The following ZNF254 variants were observed in gnomAD, a reference collection of about 807,000 sequenced individuals.
ZNF254 encodes the protein CTD-2017D11.1.
Under a neutral mutation model 12.4 loss-of-function variants are expected in ZNF254, and 10 were observed. The observed-to-expected ratio is 0.80, with a 90% CI of 0.50 to 1.36. The LOEUF (loss-of-function observed/expected upper bound fraction) is 1.36. ZNF254 is among the 40% of genes most tolerant of loss of function. The pLI, the probability that ZNF254 is intolerant of heterozygous loss-of-function variation, is 0.00. For synonymous variants in ZNF254, 305 were observed against 253.4 expected (o/e 1.20, Z -1.93); for missense variants, 996 against 763.9 (o/e 1.30, Z -3.58).
At chr19:24,062,787 A>C (rs1457846500) in intron 2 of ZNF254, among the ~76,000 whole-genome samples, 1 of 152,062 alleles carries the variant, frequency 6.6e-6, no homozygotes. Context: ...TGTGACTGCA[A>C]CTTCACTAAG....
chr19:24,052,660 G>A (rs1489857056), intron 2 of ZNF254, among the ~76,000 whole-genome samples: 4 of 152,114 alleles, frequency 2.6e-5, no homozygotes, highest in Admixed American at 6.6e-5. Flanking sequence ...AGATTGTAAC[G>A]TATCCCTAAT....
At chr19:24,049,164 A>G (rs1395526436) in intron 2 of ZNF254, 1 of 96,540 alleles carries the variant, frequency 1.0e-5, no homozygotes, top group East Asian at 3.3e-4. Flanking sequence ...TGGTCTTGCT[A>G]TGTTTTTCAG....
Position 24,128,644 on chromosome 19 carries a change from G to C in ZNF254, c.*664G>C, listed in dbSNP as rs1384315323. On this transcript the variant is annotated 3_prime_UTR_variant, in exon 4 of 4. Transcript: ENST00000357002. ...AAACTACAAATTATAAAACACCAAA[G>C]TGTTCATACTAAAATATATTTTTGC... The C allele has an allele frequency of 1.3e-5, 2 of 152,036 alleles. No individual in the cohort carries two copies. The highest frequency in any genetic ancestry group is 2.9e-5 in the Non-Finnish European group (2 of 67,936). The allele number at this position is 152,036 out of a possible 1,614,324, so 9.4% of individuals were successfully genotyped here.
At chr19:24,034,154 G>T (rs1969869371) in intron 1 of ZNF254, among the ~76,000 whole-genome samples, 1 of 152,112 alleles carries the variant, frequency 6.6e-6, no homozygotes, top group Non-Finnish European at 1.5e-5. Context: ...AAGTGGTTTT[G>T]CCATGGTGGA....
rs765070017 is a variant in ZNF254 at position 24,049,230 on chromosome 19, T to TA, written c.-94+2953dup. ...TATATATATATTTTTTTTTTTTTTT[T>TA]AATTTATTTATTATTTTTTAATATA... On this transcript the variant is annotated intron_variant, in intron 2 of 4. Coordinates refer to the ZNF254 transcript ENST00000613065. Among the ~76,000 whole-genome samples the TA allele has an allele frequency of 8.8e-4, 106 of 121,076 alleles. 1 individual carries two copies. In the East Asian group the frequency reaches 0.02, roughly 23 times the overall value. 79.4% of individuals were successfully genotyped at this position (121,076 alleles called of 152,430 possible).
At chr19:24,087,634 G>A (rs1972109307) in intron 1 of ZNF254, among the ~76,000 whole-genome samples, 3 of 152,328 alleles carry the variant, frequency 2.0e-5, no homozygotes, top group African/African-American at 7.2e-5. Flanking sequence ...GTCGTCAGGG[G>A]AGAATCCTGA....
At chr19:24,044,114 C>T (rs1370433352) in intron 1 of ZNF254, among the ~76,000 whole-genome samples, 2 of 151,890 alleles carry the variant, frequency 1.3e-5, no homozygotes, top group Admixed American at 6.6e-5. Context: ...CTGGCAGGCG[C>T]CTGTAATCCT....
intron 2 of ZNF254, among the ~76,000 whole-genome samples, chr19:24,070,297 C>A (rs1416739842): frequency 6.6e-6 from 1 of 152,230 alleles, no homozygotes; most frequent in Non-Finnish European, 1.5e-5. Context: ...AATGCCCTTA[C>A]ATGGCCCAGC....
rs559921158 is a variant in ZNF254, at chr19:24,068,614, C to A, written c.-94+22335C>A. Among the ~76,000 whole-genome samples, 71 of 152,238 alleles carry A rather than the reference C, an allele frequency of 4.7e-4. 1 individual carries two copies. Among genetic ancestry groups the A allele is most frequent in the African/African-American group, 1.6e-3 (66 of 41,554 alleles). On this transcript the variant is annotated intron_variant, in intron 2 of 4. Coordinates refer to the ZNF254 transcript ENST00000613065. ...CTGCACCCAGTCTACCTGCAGCCAT[C>A]TTATAGGATTAGATTTTAATCCATC...
chr19:24,043,064 T>C (rs984413864), intron 1 of ZNF254, among the ~76,000 whole-genome samples: 7 of 152,314 alleles, frequency 4.6e-5, no homozygotes, highest in South Asian at 2.1e-4. Flanking sequence ...ATCTCATTTT[T>C]GTTGACTGTA....
Position 24,127,199 on chromosome 19 carries a change from A to T in ZNF254, c.1199A>T (p.His400Leu), listed in dbSNP as rs755925267. Reference sequence around the variant, plus strand: ...ACTCTTACTACACATAAAATAATTCATGTTGGAGAGAAACTCTACAAATGT... The same window carrying T: ...ACTCTTACTACACATAAAATAATTCTTGTTGGAGAGAAACTCTACAAATGT... Reference protein sequence around the residue: ...LSTLTTHKIIHVGEKLYKCEE... With the variant: ...LSTLTTHKIILVGEKLYKCEE... Residue 400 changes from histidine (H) to leucine (L), a missense_variant, in exon 4 of 4, where the codon CAT becomes CTT. Coordinates refer to ENST00000357002, the MANE Select transcript of ZNF254 (RefSeq NM_203282.4). The T allele has an allele frequency of 1.9e-6, 3 of 1,613,256 alleles. No homozygotes were observed. The Admixed American group carries it at 5.0e-5, about 27-fold the overall frequency.
intron 2 of ZNF254, among the ~76,000 whole-genome samples, chr19:24,075,646 TGAG>T (rs1196820329): frequency 6.6e-6 from 1 of 152,186 alleles, no homozygotes; most frequent in Non-Finnish European, 1.5e-5. Context: ...GAATTACTAA[TGAG>T]GTTCCATGTC....
At chr19:24,122,448 C>T (rs550654041) in intron 3 of ZNF254, among the ~76,000 whole-genome samples, 32 of 152,234 alleles carry the variant, frequency 2.1e-4, no homozygotes, top group Middle Eastern at 3.4e-3. Context: ...TGGTTTTAAA[C>T]TCCTGACCTT....
intron 2 of ZNF254, among the ~76,000 whole-genome samples, chr19:24,064,310 G>A (rs980835447): frequency 3.9e-5 from 6 of 152,060 alleles, no homozygotes; most frequent in Admixed American, 3.9e-4. Flanking sequence ...CGTATCTCTA[G>A]GCTTCTCACC....
At chr19:24,113,154 A>G (rs1225104454) in intron 3 of ZNF254, among the ~76,000 whole-genome samples, 1 of 152,216 alleles carries the variant, frequency 6.6e-6, no homozygotes, top group African/African-American at 2.4e-5. Flanking sequence ...CAATAGAAAA[A>G]GAGGGAATCC....
At chr19:24,042,382 T>C (rs906932628) in intron 1 of ZNF254, among the ~76,000 whole-genome samples, 1 of 152,178 alleles carries the variant, frequency 6.6e-6, no homozygotes. Context: ...CGAGCCAGCA[T>C]TGGCAACCCG....
intron 2 of ZNF254, among the ~76,000 whole-genome samples, chr19:24,050,203 A>G (rs1970593247): frequency 6.6e-6 from 1 of 152,110 alleles, no homozygotes; most frequent in Non-Finnish European, 1.5e-5. Flanking sequence ...TCTGTCACCT[A>G]GGATGGAGTG....
rs570128925 is a variant in ZNF254, at chr19:24,125,354, T to C, written c.254-900T>C. On this transcript the variant is annotated intron_variant, in intron 3 of 3. Transcript: ENST00000357002. ...TTCTGATTTTCCATAGTTGTTTCTGTTCCCATTTTAATCAGTATTATTCAG... is the reference window on the plus strand; with the variant it reads ...TTCTGATTTTCCATAGTTGTTTCTGCTCCCATTTTAATCAGTATTATTCAG... Among the ~76,000 whole-genome samples the C allele has an allele frequency of 2.0e-3, 307 of 152,070 alleles. 1 individual carries two copies. The highest frequency in any genetic ancestry group is 7.2e-3 in the African/African-American group (298 of 41,534).
At chr19:24,070,139 C>T (rs1436353293) in intron 2 of ZNF254, among the ~76,000 whole-genome samples, 1 of 152,140 alleles carries the variant, frequency 6.6e-6, no homozygotes, top group Non-Finnish European at 1.5e-5. Context: ...GAGGACTCTC[C>T]TATATTGATC....
Sources: gnomAD v4.1 joint callset for allele counts (sites outside exome capture counted in the v4.1 genomes callset) on GRCh38, gnomAD v4.1.1 for gene constraint, MANE v1.5 for transcripts, NCBI Gene and HGNC (gene_info 2026-07-23, HGNC 2026-07-21) for gene names.